The following BRINP2 variants were observed in gnomAD, a reference collection of about 807,000 sequenced individuals.
BRINP2 encodes BMP/retinoic acid inducible neural specific 2.
A neutral mutation model predicts 69.2 loss-of-function variants in BRINP2; 21 were observed. The observed-to-expected ratio is 0.30, with a 90% CI of 0.22 to 0.44. The LOEUF (loss-of-function observed/expected upper bound fraction) is 0.44, where lower values mean the gene tolerates loss of function less well. Ranked by LOEUF, BRINP2 falls within the 20% of genes least tolerant of loss-of-function variation. BRINP2 has a pLI of 1.00. For synonymous variants in BRINP2, 380 were observed against 394.1 expected (o/e 0.96, Z 0.42); for missense variants, 877 against 986.0 (o/e 0.89, Z 1.48).
intron 1 of BRINP2, among the ~76,000 whole-genome samples, chr1:177,206,036 A>G (rs946387004): frequency 6.6e-6 from 1 of 152,190 alleles, no homozygotes; most frequent in African/African-American, 2.4e-5. Flanking sequence ...CTCTCTGGGG[A>G]GGCCAGATTC....
At chr1:177,194,438 G>A (rs932394490) in intron 1 of BRINP2, among the ~76,000 whole-genome samples, 1 of 152,152 alleles carries the variant, frequency 6.6e-6, no homozygotes, top group African/African-American at 2.4e-5. Flanking sequence ...TCCAGACGAG[G>A]ACACTGTGCT....
chr1:177,247,014 G>A (rs1399538363), intron 2 of BRINP2, among the ~76,000 whole-genome samples: 1 of 152,164 alleles, frequency 6.6e-6, no homozygotes, highest in Non-Finnish European at 1.5e-5. Context: ...GAGTCACTGG[G>A]TAAAAAACTG....
intron 1 of BRINP2, among the ~76,000 whole-genome samples, chr1:177,182,096 C>T (rs12760306): frequency 2.6e-5 from 4 of 151,566 alleles, no homozygotes; most frequent in African/African-American, 9.7e-5. Context: ...GCTGATTAGT[C>T]CTGGTGCCGT....
At chr1:177,187,624 A>G (rs1189362901) in intron 1 of BRINP2, among the ~76,000 whole-genome samples, 1 of 152,182 alleles carries the variant, frequency 6.6e-6, no homozygotes, top group African/African-American at 2.4e-5. Flanking sequence ...GTTTAGCCAA[A>G]GCAGGCCTCA....
chr1:177,175,760 T>G (rs934885072), intron 1 of BRINP2, among the ~76,000 whole-genome samples: 2 of 152,206 alleles, frequency 1.3e-5, no homozygotes, highest in Non-Finnish European at 1.5e-5. Flanking sequence ...AGGACATTAC[T>G]TTCCCTTGAA....
intron 1 of BRINP2, among the ~76,000 whole-genome samples, chr1:177,200,179 C>G (rs1038025269): frequency 1.3e-5 from 2 of 151,026 alleles, no homozygotes; most frequent in Non-Finnish European, 2.9e-5. Flanking sequence ...GTGATCCCAG[C>G]TACTTGGGAT....
At position 177,256,848 on chromosome 1, in the gene BRINP2, T is replaced by C. The variant is rs1485826071; in HGVS notation, c.461-328T>C. 5 of 1,171,032 alleles carry C rather than the reference T, an allele frequency of 4.3e-6. No homozygotes were observed. In the Admixed American group the frequency reaches 1.9e-4, roughly 43 times the overall value. The allele number at this position is 1,171,032 out of a possible 1,614,324, so 72.5% of individuals were successfully genotyped here. A position where few individuals can be genotyped will look rare whatever the true frequency, so the allele number is the denominator to read the frequency against. ...AGGGAGCAGAAAAAGCCACGAAGAC[T>C]CCTCGTAAACAACTTGAGAGAGAGA... On this transcript the variant is annotated intron_variant, in intron 3 of 7. Coordinates refer to ENST00000361539, the MANE Select transcript of BRINP2 (RefSeq NM_021165.4).
chr1:177,186,779 T>A (rs902577148), intron 1 of BRINP2, among the ~76,000 whole-genome samples: 5 of 152,220 alleles, frequency 3.3e-5, no homozygotes, highest in Middle Eastern at 3.2e-3. Context: ...CGTATCCCAC[T>A]GGGAACTTTG....
intron 2 of BRINP2, among the ~76,000 whole-genome samples, chr1:177,237,371 C>A (rs1387774862): frequency 6.6e-6 from 1 of 151,808 alleles, no homozygotes; most frequent in African/African-American, 2.4e-5. Context: ...GGATGCATCA[C>A]CTCAAATGCT....
At chr1:177,259,930 T>C (rs1354404857) in intron 4 of BRINP2, among the ~76,000 whole-genome samples, 1 of 152,230 alleles carries the variant, frequency 6.6e-6, no homozygotes, top group Non-Finnish European at 1.5e-5. Flanking sequence ...ACAGCATCCA[T>C]TCTGTAGCCC....
At chr1:177,276,548 C>A in intron 6 of BRINP2, 114 bp downstream of exon 6, 1 of 935,724 alleles carries the variant, frequency 1.1e-6, no homozygotes, top group East Asian at 2.6e-5. Context: ...CCTGACATGA[C>A]CACTTAATTG....
intron 2 of BRINP2, among the ~76,000 whole-genome samples, chr1:177,246,167 C>T (rs1650371926): frequency 6.6e-6 from 1 of 152,184 alleles, no homozygotes; most frequent in Admixed American, 6.5e-5. Flanking sequence ...AACCAAACAA[C>T]TCCTGGACTG....
intron 4 of BRINP2, among the ~76,000 whole-genome samples, chr1:177,261,064 G>A (rs962313244): frequency 1.3e-5 from 2 of 152,264 alleles, no homozygotes; most frequent in East Asian, 3.9e-4. Context: ...AAGTGAGGGA[G>A]TAAGCCCCAA....
rs555234602 is a variant in BRINP2, at chr1:177,193,211, C to CT, written c.-77+21479_-77+21480insT. Among the ~76,000 whole-genome samples, 1,407 of 152,200 alleles carry CT rather than the reference C, an allele frequency of 9.2e-3. 8 individuals are homozygous for CT. Among genetic ancestry groups the CT allele is most frequent in the Non-Finnish European group, 0.015 (1,015 of 68,016 alleles). On this transcript the variant is annotated intron_variant, in intron 1 of 7. Transcript: ENST00000361539. ...ATTACAAACTATTTATTTCACCTAC[C>CT]CTACAGTCAGAAGCCACGAGCATGT...
intron 1 of BRINP2, among the ~76,000 whole-genome samples, chr1:177,207,462 T>A (rs912697948): frequency 6.6e-6 from 1 of 152,140 alleles, no homozygotes; most frequent in African/African-American, 2.4e-5. Context: ...AAGTCCTGTG[T>A]GGATAACAGA....
At chr1:177,279,243 C>T (rs1339138246) in intron 7 of BRINP2, among the ~76,000 whole-genome samples, 1 of 152,204 alleles carries the variant, frequency 6.6e-6, no homozygotes, top group Non-Finnish European at 1.5e-5. Flanking sequence ...CAAGTATCCA[C>T]TTGTTCATCC....
intron 2 of BRINP2, among the ~76,000 whole-genome samples, chr1:177,235,838 G>A (rs539232936): frequency 6.6e-6 from 1 of 152,306 alleles, no homozygotes; most frequent in South Asian, 2.1e-4. Context: ...CAGAAGGGAA[G>A]TTGTAGTTCT....
intron 2 of BRINP2, among the ~76,000 whole-genome samples, chr1:177,235,991 C>T (rs951087130): frequency 1.3e-5 from 2 of 152,118 alleles, no homozygotes; most frequent in South Asian, 2.1e-4. Context: ...GATGAAGGAA[C>T]GGTATACAAA....
rs764812362 is a variant in BRINP2 at position 177,273,612 on chromosome 1, G to A, written c.775+19G>A. On this transcript the variant is annotated intron_variant, in intron 5 of 7. Coordinates refer to ENST00000361539, the MANE Select transcript of BRINP2 (RefSeq NM_021165.4). ...TTACTTGGTAAGCAGCACTATGATG[G>A]TTTTCATACCTTTCACACCTGATTT... 1.7e-5 allele frequency: 25 copies of A among 1,455,916 alleles called. 1 individual carries two copies. Among genetic ancestry groups the A allele is most frequent in the South Asian group, 1.0e-4 (8 of 76,314 alleles). The allele number at this position is 1,455,916 out of a possible 1,614,324, so 90.2% of individuals were successfully genotyped here.
Sources: gnomAD v4.1 joint callset for allele counts (sites outside exome capture counted in the v4.1 genomes callset) on GRCh38, gnomAD v4.1.1 for gene constraint, MANE v1.5 for transcripts, NCBI Gene and HGNC (gene_info 2026-07-23, HGNC 2026-07-21) for gene names.